The following ART1 variants were observed in gnomAD, a reference collection of about 807,000 sequenced individuals.
ART1 encodes the protein GPI-linked NAD(P)(+)--arginine ADP-ribosyltransferase 1.
ART1 carries 29 observed loss-of-function variants against 27.0 expected under a neutral mutation model. That is an observed-to-expected ratio of 1.08 (90% confidence interval 0.80 to 1.47). ART1 has a LOEUF of 1.47. ART1 is among the 40% of genes most tolerant of loss of function. ART1 has a pLI of 0.00. For missense variants in ART1, 480 were observed against 423.0 expected, an observed-to-expected ratio of 1.13 and a Z score of -1.18; for synonymous variants, 201 against 172.2, an observed-to-expected ratio of 1.17 and a Z score of -1.31.
chr11:3,651,567 C>T (rs111875759), intron 1 of ART1, among the ~76,000 whole-genome samples: 1 of 150,602 alleles, frequency 6.6e-6, no homozygotes, highest in African/African-American at 2.5e-5. Context: ...TAGCCTAGCC[C>T]TCATGTCTGC....
intron 1 of ART1, among the ~76,000 whole-genome samples, chr11:3,653,802 C>A (rs1323809958): frequency 6.8e-6 from 1 of 147,850 alleles, no homozygotes; most frequent in Admixed American, 6.7e-5. Flanking sequence ...TCTGTCTATC[C>A]TCACTGCCAT....
chr11:3,659,268 G>T lies in ART1; in HGVS notation c.55G>T (p.Ala19Ser). 1.2e-6 allele frequency: 2 copies of T among 1,614,182 alleles called. No individual in the cohort carries two copies. Among genetic ancestry groups the T allele is most frequent in the Non-Finnish European group, 1.7e-6 (2 of 1,180,040 alleles). The change falls in exon 2 of 5, where the codon GCA becomes TCA. Residue 19 changes from alanine to serine, a missense_variant. Transcript: ENST00000250693. ...LLLVSVGLME[A>S]LQAQSHPITR... ...TCTTGTGTCTGTGGGCCTCATGGAA[G>T]CACTTCAGGTATGGGCATCCCCCAC...
chr11:3,657,067 T>C lies in ART1; in HGVS notation c.-52-2095T>C, dbSNP rs888252435. Among the ~76,000 whole-genome samples the C allele has an allele frequency of 6.6e-5, 10 of 152,214 alleles. 1 individual carries two copies. The highest frequency in any genetic ancestry group is 2.4e-4 in the African/African-American group (10 of 41,456). ...TAGAATCCCAGTGTCTTAGAGTCAC[T>C]GAACTATCCAAACTTAGGTCTCCCC... On this transcript the variant is annotated intron_variant, in intron 1 of 4. Coordinates refer to ENST00000250693, the MANE Select transcript of ART1 (RefSeq NM_004314.3).
At chr11:3,646,720 T>A (rs552952976) in intron 1 of ART1, among the ~76,000 whole-genome samples, 4 of 152,310 alleles carry the variant, frequency 2.6e-5, no homozygotes, top group Admixed American at 2.6e-4. Flanking sequence ...CCTGTGACTC[T>A]CAGATGTCTC....
Position 3,660,176 on chromosome 11 carries a change from C to T in ART1, c.657C>T (p.Phe219=), listed in dbSNP as rs186835333. ...AGCAGTTTGGTGAGGACACCTTCTT[C>T]GGCATCTGGACCTGCCTTGGGGCCC... ...AAQQFGEDTF[F]GIWTCLGAPI... The change falls in exon 3 of 5, where the codon TTC becomes TTT. Residue 219 remains phenylalanine, a synonymous_variant. Transcript: ENST00000250693. The T allele has an allele frequency of 1.5e-5, 24 of 1,614,034 alleles. No individual in the cohort carries two copies. The highest frequency in any genetic ancestry group is 1.1e-4 in the African/African-American group (8 of 75,046).
intron 1 of ART1, among the ~76,000 whole-genome samples, chr11:3,657,105 G>A (rs1187076660): frequency 1.3e-5 from 2 of 152,226 alleles, no homozygotes; most frequent in African/African-American, 4.8e-5. Flanking sequence ...AGCCAGAGGA[G>A]ATGATAAAGC....
intron 1 of ART1, among the ~76,000 whole-genome samples, chr11:3,650,090 C>G (rs1414416042): frequency 1.3e-5 from 2 of 152,178 alleles, no homozygotes; most frequent in Non-Finnish European, 2.9e-5. Flanking sequence ...TGAGTTGCAA[C>G]TACTTGTCTC....
Position 3,659,914 on chromosome 11 carries a change from A to G in ART1, c.395A>G (p.Asn132Ser), listed in dbSNP as rs751912272. 8.1e-6 allele frequency: 13 copies of G among 1,613,126 alleles called. No homozygotes were observed. The highest frequency in any genetic ancestry group is 1.7e-5 in the Admixed American group (1 of 59,966). ...AACAGCCCCCTGCACAAGGAGTTCA[A>G]TGCAGCCGTGCGTGAGGCGGGCCGC... The part of the protein sequence containing the change: ...TANSPLHKEF[N>S]AAVREAGRSR... The change falls in exon 3 of 5, where the codon AAT becomes AGT. Residue 132 changes from asparagine (N) to serine (S), a missense_variant. By Grantham distance (46) the Asn-to-Ser change is conservative. Coordinates refer to ENST00000250693, the MANE Select transcript of ART1 (RefSeq NM_004314.3).
chr11:3,660,507 C>G, intron 3 of ART1, 144 bp downstream of exon 3: 5 of 980,858 alleles, frequency 5.1e-6, no homozygotes, highest in Non-Finnish European at 5.9e-6. Flanking sequence ...CAACCCCTTC[C>G]ATCTAAGGGG....
chr11:3,660,720 T>A (rs1275389875), intron 3 of ART1, among the ~76,000 whole-genome samples: 5 of 152,206 alleles, frequency 3.3e-5, no homozygotes, highest in Non-Finnish European at 5.9e-5. Flanking sequence ...TATTGACACC[T>A]AGATAGCTGT....
chr11:3,645,885 G>A (rs1226074975), intron 1 of ART1, among the ~76,000 whole-genome samples: 1 of 152,068 alleles, frequency 6.6e-6, no homozygotes, highest in African/African-American at 2.4e-5. Context: ...CAAGGAGAGG[G>A]GCGATGTGTG....
intron 1 of ART1, among the ~76,000 whole-genome samples, chr11:3,657,489 C>T (rs889393004): frequency 1.3e-5 from 2 of 152,160 alleles, no homozygotes. Flanking sequence ...GCAGGAGGAT[C>T]GATTGAGCTC....
intron 1 of ART1, among the ~76,000 whole-genome samples, chr11:3,645,985 C>T (rs1022821971): frequency 6.6e-6 from 1 of 152,048 alleles, no homozygotes; most frequent in Non-Finnish European, 1.5e-5. Context: ...TGCGAGCCTG[C>T]AGAGGGTGCA....
rs983064565 is a variant in ART1 at position 3,658,530 on chromosome 11, G to T, written c.-52-632G>T. The stretch of plus-strand genomic sequence containing the variant: ...ATCCTCTGTCTTCTCCTGCTCTTCT[G>T]ATCCCCTCTTCCCCCAGCACCCGGG... On this transcript the variant is annotated intron_variant, in intron 1 of 4. Coordinates refer to ENST00000250693, the MANE Select transcript of ART1 (RefSeq NM_004314.3). Among the ~76,000 whole-genome samples, 4 of 152,146 alleles carry T rather than the reference G, an allele frequency of 2.6e-5. No individual in the cohort carries two copies. In the South Asian group the frequency reaches 6.2e-4, roughly 24 times the overall value.
At chr11:3,648,760 G>T (rs552887598) in intron 1 of ART1, among the ~76,000 whole-genome samples, 2 of 151,896 alleles carry the variant, frequency 1.3e-5, no homozygotes, top group African/African-American at 2.4e-5. Context: ...CACCCTTAGC[G>T]GCAAGTCCCG....
rs975386471 is a variant in ART1 at position 3,659,665 on chromosome 11, A to G, written c.146A>G (p.Gln49Arg). The change falls in exon 3 of 5, where the codon CAG (glutamine) becomes CGG (arginine). Residue 49 changes from glutamine to arginine, a missense_variant. Gln to Arg is a conservative substitution (Grantham distance 43, BLOSUM62 1). Coordinates refer to ENST00000250693, the MANE Select transcript of ART1 (RefSeq NM_004314.3). Reference sequence around the variant, plus strand: ...ATGGCCCTGGCCTCCTTTGATGACCAGTACGCTGGCTGTGCTGCTGCCATG... The same window carrying G: ...ATGGCCCTGGCCTCCTTTGATGACCGGTACGCTGGCTGTGCTGCTGCCATG... ...LDMALASFDD[Q>R]YAGCAAAMTA... 5.0e-6 allele frequency: 8 copies of G among 1,613,942 alleles called. No individual in the cohort carries two copies. Among genetic ancestry groups the G allele is most frequent in the Non-Finnish European group, 6.8e-6 (8 of 1,180,040 alleles).
rs185879760 is a variant in ART1, at chr11:3,659,301, A to C, written c.63+25A>C. On this transcript the variant is annotated intron_variant, in intron 2 of 4. Transcript: ENST00000250693. ...GGTATGGGCATCCCCCACTGTTCCC[A>C]CCCCAGCAGGGAACTGAGCCATCGG... The C allele has an allele frequency of 2.7e-5, 43 of 1,613,704 alleles. No individual in the cohort carries two copies. The East Asian group carries it at 4.5e-4, about 17-fold the overall frequency.
Position 3,653,278 on chromosome 11 carries a change from C to T in ART1, c.-52-5884C>T, listed in dbSNP as rs193168213. ...GCCATCATGTCCCCTGTGACCTGCA[C>T]ATACACATCCAGATGGCCGGTTCCT... On this transcript the variant is annotated intron_variant, in intron 1 of 4. Coordinates refer to ENST00000250693, the MANE Select transcript of ART1 (RefSeq NM_004314.3). Among the ~76,000 whole-genome samples the T allele has an allele frequency of 1.3e-3, 195 of 148,922 alleles. 4 individuals carry two copies. The highest frequency in any genetic ancestry group is 2.3e-3 in the Non-Finnish European group (154 of 67,958).
Position 3,659,677 on chromosome 11 carries a change from G to A in ART1, c.158G>A (p.Cys53Tyr), listed in dbSNP as rs754669485. 1.5e-5 allele frequency: 24 copies of A among 1,613,784 alleles called. No homozygotes were observed. Among genetic ancestry groups the A allele is most frequent in the Non-Finnish European group, 2.0e-5 (24 of 1,180,024 alleles). ...LASFDDQYAGCAAAMTAALPD... is the reference protein window; with the variant it reads ...LASFDDQYAGYAAAMTAALPD... The stretch of plus-strand genomic sequence containing the variant: ...TCCTTTGATGACCAGTACGCTGGCT[G>A]TGCTGCTGCCATGACAGCTGCTCTC... Residue 53 changes from cysteine (C) to tyrosine (Y), a missense_variant, in exon 3 of 5, where the codon TGT becomes TAT. By Grantham distance (194) the Cys-to-Tyr change is radical. Transcript: ENST00000250693.
Sources: gnomAD v4.1 joint callset for allele counts (sites outside exome capture counted in the v4.1 genomes callset) on GRCh38, gnomAD v4.1.1 for gene constraint, MANE v1.5 for transcripts, NCBI Gene and HGNC (gene_info 2026-07-23, HGNC 2026-07-21) for gene names.